The following MAGT1 variants were observed in gnomAD, a reference collection of about 807,000 sequenced individuals.
MAGT1 encodes the protein magnesium transporter 1.
Under a neutral mutation model 28.4 loss-of-function variants are expected in MAGT1, and 4 were observed. The ratio of observed to expected loss-of-function variants is 0.14; its 90% confidence interval spans 0.07 to 0.32. MAGT1 has a LOEUF of 0.32. Ranked by LOEUF, MAGT1 falls within the 10% of genes least tolerant of loss-of-function variation. The pLI is 1.00. For missense variants in MAGT1, 193 were observed against 264.5 expected, an observed-to-expected ratio of 0.73 and a Z score of 1.88; for synonymous variants, 89 against 89.7, an observed-to-expected ratio of 0.99 and a Z score of 0.04.
At chrX:77,851,396 C>G (rs1464907987) in intron 7 of MAGT1, among the ~76,000 whole-genome samples, 1 of 103,588 alleles carries the variant, frequency 9.7e-6, no homozygotes, top group Non-Finnish European at 2.0e-5. Flanking sequence ...TTTTTTGAGA[C>G]AGAGTCTCAC....
At chrX:77,883,034 TTATA>T (rs1246891036) in intron 1 of MAGT1, among the ~76,000 whole-genome samples, 6 of 101,095 alleles carry the variant, frequency 5.9e-5, no homozygotes, top group Admixed American at 4.9e-4. Context: ...TATTTGTTAT[TTATA>T]TATAATTTAT....
chrX:77,834,257 T>C (rs782504259), intron 8 of MAGT1, among the ~76,000 whole-genome samples: 4 of 59,000 alleles, frequency 6.8e-5, no homozygotes, highest in East Asian at 1.0e-3. Flanking sequence ...TATATATACA[T>C]GTGTGTATAT....
rs2077076668 is a variant in MAGT1 at position 77,889,587 on chromosome X, G to A, written c.102+5722C>T. Among the ~76,000 whole-genome samples, 3 of 107,984 alleles carry A rather than the reference G, an allele frequency of 2.8e-5. No homozygotes were observed. The Admixed American group carries it at 3.0e-4, about 11-fold the overall frequency. The allele number at this position is 107,984 out of a possible 115,157, so 93.8% of individuals were successfully genotyped here. A position where few individuals can be genotyped will look rare whatever the true frequency, so the allele number is the denominator to read the frequency against. ...GGGGTTTCACCGTGTTAGCCAGGAT[G>A]GTCTCGATCTCCTGAACTCGTGATC... On this transcript the variant is annotated intron_variant, in intron 1 of 9. Coordinates refer to ENST00000618282, the MANE Select transcript of MAGT1 (RefSeq NM_001367916.1).
At chrX:77,840,865 G>C (rs1262504553) in intron 8 of MAGT1, among the ~76,000 whole-genome samples, 1 of 111,496 alleles carries the variant, frequency 9.0e-6, no homozygotes, top group Non-Finnish European at 1.9e-5. Flanking sequence ...CAATAACAGA[G>C]TATAAGTTTA....
At chrX:77,832,529 T>G (rs919219383) in intron 8 of MAGT1, among the ~76,000 whole-genome samples, 7 of 111,562 alleles carry the variant, frequency 6.3e-5, no homozygotes, top group Non-Finnish European at 1.1e-4. Flanking sequence ...ACTTAGTGAC[T>G]GATAAGAAAA....
At chrX:77,840,553 T>C (rs1404441855) in intron 8 of MAGT1, among the ~76,000 whole-genome samples, 1 of 109,918 alleles carries the variant, frequency 9.1e-6, no homozygotes, top group Non-Finnish European at 1.9e-5. Context: ...TAATATAGAG[T>C]ATAAGTCAGC....
intron 8 of MAGT1, among the ~76,000 whole-genome samples, chrX:77,832,916 T>C (rs1557213549): frequency 1.8e-5 from 2 of 110,637 alleles, no homozygotes; most frequent in African/African-American, 6.6e-5. Context: ...CCTTTTCTAA[T>C]TGTTACACAA....
intron 7 of MAGT1, among the ~76,000 whole-genome samples, chrX:77,846,422 T>C (rs1371572432): frequency 8.9e-6 from 1 of 112,448 alleles, no homozygotes; most frequent in Non-Finnish European, 1.9e-5. Flanking sequence ...TGAAGCCTTC[T>C]TCTCTCAATT....
intron 1 of MAGT1, among the ~76,000 whole-genome samples, chrX:77,886,641 T>TA (rs1557219032): frequency 2.7e-5 from 3 of 110,344 alleles, no homozygotes; most frequent in Non-Finnish European, 3.8e-5. Context: ...GCAACATAGT[T>TA]AGATTCCATC....
chrX:77,830,742 A>G, intron 9 of MAGT1, 63 bp downstream of exon 9: 1 of 591,795 alleles, frequency 1.7e-6, no homozygotes, highest in Non-Finnish European at 2.6e-6. Context: ...TTATAAAGCA[A>G]TATCAACTCT....
intron 2 of MAGT1, 44 bp downstream of exon 2, chrX:77,875,384 G>A (rs1477196308): frequency 8.6e-6 from 10 of 1,167,055 alleles, no homozygotes; most frequent in African/African-American, 3.6e-5. Flanking sequence ...AATGGTTAAC[G>A]TTATATGAGT....
rs782085651 is a variant in MAGT1, at chrX:77,882,561, T to C, written c.103-6964A>G. ...ATCCTCCTATCTCTATTCAACCATA[T>C]AGATATATAATCATGCCAACAAAAG... On this transcript the variant is annotated intron_variant, in intron 1 of 9. Transcript: ENST00000618282. Among the ~76,000 whole-genome samples the C allele has an allele frequency of 5.4e-5, 6 of 111,758 alleles. No individual in the cohort carries two copies. The South Asian group carries it at 2.2e-3, about 41-fold the overall frequency.
intron 3 of MAGT1, among the ~76,000 whole-genome samples, chrX:77,860,155 G>A: frequency 9.0e-6 from 1 of 111,636 alleles, no homozygotes; most frequent in East Asian, 2.9e-4. Context: ...CGCAATCTTG[G>A]CCCACACAAT....
Position 77,827,403 on chromosome X carries a change from G to C in MAGT1, c.*1817C>G, listed in dbSNP as rs1219396973. 9.1e-6 allele frequency: 1 copy of C among 109,305 alleles called. No homozygotes were observed. The highest frequency in any genetic ancestry group is 1.9e-5 in the Non-Finnish European group (1 of 52,435). 9.0% of individuals were successfully genotyped at this position (109,305 alleles called of 1,213,427 possible). ...TACAGGCATCAGCTCAATATTTTAT[G>C]ATTTTTCTTTCCCATTCTAAGGGAG... On this transcript the variant is annotated 3_prime_UTR_variant, in exon 10 of 10. Transcript: ENST00000618282.
At chrX:77,895,058 T>C (rs189016170) in intron 1 of MAGT1, among the ~76,000 whole-genome samples, 1 of 111,197 alleles carries the variant, frequency 9.0e-6, no homozygotes, top group African/African-American at 3.3e-5. Flanking sequence ...TCAAAACTCA[T>C]AGCTATGCAC....
chrX:77,850,125 T>C (rs1271294075), intron 7 of MAGT1, among the ~76,000 whole-genome samples: 1 of 110,996 alleles, frequency 9.0e-6, no homozygotes, highest in Non-Finnish European at 1.9e-5. Flanking sequence ...TATTAATTAT[T>C]ATCAACCTGG....
At position 77,875,345 on chromosome X, in the gene MAGT1, G is replaced by A. The variant is rs782228675; in HGVS notation, c.272+83C>T. Reference sequence around the variant, plus strand: ...TATACACATTATTTAAGTACCTACTGCACTAACTTGGCCCTTCTGGGATTG... The same window carrying A: ...TATACACATTATTTAAGTACCTACTACACTAACTTGGCCCTTCTGGGATTG... On this transcript the variant is annotated intron_variant, in intron 2 of 9. Coordinates refer to ENST00000618282, the MANE Select transcript of MAGT1 (RefSeq NM_001367916.1). 6.6e-5 allele frequency: 60 copies of A among 904,789 alleles called. No individual in the cohort carries two copies. In the South Asian group the frequency reaches 1.1e-3, roughly 16 times the overall value. The allele number at this position is 904,789 out of a possible 1,213,427, so 74.6% of individuals were successfully genotyped here. A position where few individuals can be genotyped will look rare whatever the true frequency, so the allele number is the denominator to read the frequency against.
chrX:77,855,841 G>A (rs1171785760), intron 5 of MAGT1, among the ~76,000 whole-genome samples: 4 of 109,398 alleles, frequency 3.7e-5, no homozygotes, highest in Non-Finnish European at 7.6e-5. Context: ...CGCGATCTCG[G>A]CTCACTGCAA....
At chrX:77,888,770 G>T (rs943472822) in intron 1 of MAGT1, among the ~76,000 whole-genome samples, 2 of 110,592 alleles carry the variant, frequency 1.8e-5, no homozygotes, top group Non-Finnish European at 3.8e-5. Context: ...TTCCCCAAAA[G>T]CATGTTTCTT....
Sources: allele counts gnomAD v4.1 joint callset (sites outside exome capture counted in the v4.1 genomes callset), GRCh38; gene constraint gnomAD v4.1.1; transcripts MANE v1.5; gene names NCBI Gene and HGNC (gene_info 2026-07-23, HGNC 2026-07-21).